The following ERAP1 variants were observed in gnomAD, a reference collection of about 807,000 sequenced individuals.
The protein encoded by ERAP1 is adipocyte-derived leucine aminopeptidase.
In ERAP1, 86 loss-of-function variants were observed where a neutral mutation model predicts 103.7. The observed-to-expected ratio is 0.83, with a 90% CI of 0.70 to 0.99. ERAP1 has a LOEUF of 0.99. ERAP1 is among the 50% of genes least tolerant of loss of function. The pLI is 0.00. For missense variants in ERAP1, 1,009 were observed against 1,128.4 expected (o/e 0.89, Z 1.52); for synonymous variants, 398 against 402.4 (o/e 0.99, Z 0.13).
chr5:96,891,110 T>C, the ERAP1 span, among the ~76,000 whole-genome samples: 3 of 152,172 alleles, frequency 2.0e-5, no homozygotes, highest in Non-Finnish European at 2.9e-5. Context: ...GATTGTGTTA[T>C]GTATACTTGT....
At chr5:96,840,642 T>C in the ERAP1 span, among the ~76,000 whole-genome samples, 1 of 152,216 alleles carries the variant, frequency 6.6e-6, no homozygotes, top group Non-Finnish European at 1.5e-5. Context: ...CTTAAAAAAA[T>C]GCTGATACTC....
chr5:96,767,826 T>G (rs1246300588), intron 19 of ERAP1: 1 of 789,352 alleles, frequency 1.3e-6, no homozygotes, highest in East Asian at 2.5e-5. Context: ...ATCTTTTATT[T>G]GTAAGTGATG....
the ERAP1 span, among the ~76,000 whole-genome samples, chr5:96,840,786 A>G: frequency 3.3e-5 from 5 of 151,036 alleles, no homozygotes; most frequent in African/African-American, 1.2e-4. Context: ...GCTCACTGCA[A>G]CCTCCGCCTC....
the ERAP1 span, chr5:96,934,111 T>TGG: frequency 1.3e-5 from 2 of 152,250 alleles, 1 homozygote; most frequent in South Asian, 4.1e-4. Context: ...AATTATTTAT[T>TGG]GTATACTTAC....
At chr5:96,791,989 C>G in intron 8 of ERAP1, 72 bp downstream of exon 8, 1 of 1,567,532 alleles carries the variant, frequency 6.4e-7, no homozygotes, top group Non-Finnish European at 8.8e-7. Context: ...ACAACCTTGC[C>G]TATAACTTCT....
chr5:96,874,166 GAAAGAAAGAAAGAA>G, the ERAP1 span, among the ~76,000 whole-genome samples: 683 of 93,804 alleles, frequency 7.3e-3, 8 homozygotes, highest in African/African-American at 0.022. Context: ...AAGAAAGAAA[GAAAGAAAGAAAGAA>G]AGAGAGAGAG....
At chr5:96,837,309 G>A in the ERAP1 span, among the ~76,000 whole-genome samples, 1 of 152,192 alleles carries the variant, frequency 6.6e-6, no homozygotes, top group East Asian at 1.9e-4. Flanking sequence ...AGTGTTGGAA[G>A]GGTACATAGT....
chr5:96,765,635 C>T (rs1244737782), intron 19 of ERAP1, among the ~76,000 whole-genome samples: 2 of 152,004 alleles, frequency 1.3e-5, no homozygotes, highest in Non-Finnish European at 2.9e-5. Context: ...TTCAGGGTTG[C>T]TTATAAATAG....
the ERAP1 span, among the ~76,000 whole-genome samples, chr5:96,906,827 T>A: frequency 6.6e-6 from 1 of 151,436 alleles, no homozygotes; most frequent in Non-Finnish European, 1.5e-5. Flanking sequence ...AGGTCAGGAG[T>A]TCAAGACCAG....
chr5:96,787,075 C>T (rs993439403), intron 11 of ERAP1, among the ~76,000 whole-genome samples: 1 of 152,104 alleles, frequency 6.6e-6, no homozygotes, highest in Non-Finnish European at 1.5e-5. Context: ...AATGATGCAA[C>T]AACTAAATAA....
chr5:96,767,075 A>G (rs935630401), intron 19 of ERAP1, among the ~76,000 whole-genome samples: 2 of 152,212 alleles, frequency 1.3e-5, no homozygotes, highest in East Asian at 3.8e-4. Context: ...ATCCCTGATG[A>G]CTTTCTAAGT....
chr5:96,823,622 T>C, the ERAP1 span, among the ~76,000 whole-genome samples: 1 of 152,228 alleles, frequency 6.6e-6, no homozygotes, highest in Non-Finnish European at 1.5e-5. Flanking sequence ...CCTACCCTAC[T>C]AGGCTGGTGA....
At chr5:96,764,287 G>A (rs1013495584) in intron 19 of ERAP1, among the ~76,000 whole-genome samples, 1 of 152,080 alleles carries the variant, frequency 6.6e-6, no homozygotes, top group Non-Finnish European at 1.5e-5. Flanking sequence ...AGCAACTTAG[G>A]AGTATAAGTA....
intron 1 of ERAP1, chr5:96,806,171 C>T (rs1778572094): frequency 6.6e-6 from 1 of 152,174 alleles, no homozygotes; most frequent in Non-Finnish European, 1.5e-5. Context: ...GAAAAATTAG[C>T]TCTTGTTTGG....
At chr5:96,827,206 C>G in the ERAP1 span, among the ~76,000 whole-genome samples, 2 of 152,128 alleles carry the variant, frequency 1.3e-5, no homozygotes, top group Non-Finnish European at 2.9e-5. Context: ...CAGGGGAAGT[C>G]AGTGTTGGAT....
In ERAP1 at chr5:96,795,102, C is replaced by A. The variant is rs1303864554; in HGVS notation, c.859G>T (p.Val287Leu). 1.9e-6 allele frequency: 3 copies of A among 1,613,922 alleles called. No homozygotes were observed. The highest frequency in any genetic ancestry group is 2.5e-6 in the Non-Finnish European group (3 of 1,179,954). The change falls in exon 5 of 19, where the codon GTG becomes TTG. Residue 287 changes from valine (V) to leucine (L), a missense_variant. Physicochemically the swap from Val to Leu is conservative, Grantham distance 32. This residue lies in a region of ERAP1 where 392 missense variants were observed against 455.2 expected (regional missense o/e 0.86). Transcript: ENST00000443439. ...NQADYALDAAVTLLEFYEDYF... is the reference protein window; with the variant it reads ...NQADYALDAALTLLEFYEDYF... ...TCCTCATAAAATTCTAGAAGAGTCA[C>A]CGCAGCATCCAGTGCATAATCTGCT...
the ERAP1 span, among the ~76,000 whole-genome samples, chr5:96,847,175 G>A: frequency 6.6e-6 from 1 of 150,452 alleles, no homozygotes; most frequent in Admixed American, 6.7e-5. Flanking sequence ...TTGAACCCGG[G>A]AGGCGGAAGT....
At chr5:96,847,202 C>G in the ERAP1 span, among the ~76,000 whole-genome samples, 1 of 142,628 alleles carries the variant, frequency 7.0e-6, no homozygotes, top group Non-Finnish European at 1.5e-5. Flanking sequence ...GAGCTGAGAT[C>G]ATGCCATTGC....
the ERAP1 span, among the ~76,000 whole-genome samples, chr5:96,889,864 G>A: frequency 2.8e-5 from 4 of 144,640 alleles, no homozygotes; most frequent in East Asian, 8.0e-4. Context: ...ACACACACAC[G>A]CATTGCATAT....
Sources: allele counts gnomAD v4.1 joint callset (sites outside exome capture counted in the v4.1 genomes callset), GRCh38; gene constraint gnomAD v4.1.1; regional missense constraint gnomAD v4.1.1; transcripts MANE v1.5; gene names NCBI Gene and HGNC (gene_info 2026-07-23, HGNC 2026-07-21).